The following RIMS1 variants were observed in gnomAD, a reference collection of about 807,000 sequenced individuals.
RIMS1 encodes regulating synaptic membrane exocytosis protein 1.
A neutral mutation model predicts 214.1 loss-of-function variants in RIMS1; 83 were observed. The observed-to-expected ratio is 0.39, with a 90% CI of 0.32 to 0.47. RIMS1 has a LOEUF of 0.47. Among genes scored for constraint, RIMS1 ranks in the 20% least tolerant of loss-of-function variants. The pLI, the probability that RIMS1 is intolerant of heterozygous loss-of-function variation, is 0.99. For synonymous variants in RIMS1, 793 were observed against 786.8 expected, an observed-to-expected ratio of 1.01 and a Z score of -0.13; for missense variants, 2,050 against 2,161.8, an observed-to-expected ratio of 0.95 and a Z score of 1.03.
intron 2 of RIMS1, among the ~76,000 whole-genome samples, chr6:72,008,761 C>T (rs1052707416): frequency 6.6e-6 from 1 of 152,182 alleles, no homozygotes; most frequent in Non-Finnish European, 1.5e-5. Context: ...ATCAATTCAA[C>T]AAGAAGAGCT....
intron 4 of RIMS1, among the ~76,000 whole-genome samples, chr6:72,138,388 T>G (rs1417228979): frequency 2.0e-5 from 3 of 152,146 alleles, no homozygotes; most frequent in Admixed American, 1.3e-4. Context: ...TTAAGCCCAT[T>G]TACAATTAAT....
chr6:72,045,900 C>G (rs967112815), intron 2 of RIMS1, among the ~76,000 whole-genome samples: 2 of 149,504 alleles, frequency 1.3e-5, no homozygotes, highest in Non-Finnish European at 3.0e-5. Context: ...AAATTGAAAC[C>G]CTTTAATTTA....
chr6:71,992,407 T>TC (rs1491194615), intron 2 of RIMS1, among the ~76,000 whole-genome samples: 31 of 52,726 alleles, frequency 5.9e-4, no homozygotes, highest in African/African-American at 1.7e-3. Flanking sequence ...TCTCTCTCTC[T>TC]TTCTTTCTTT....
chr6:72,272,000 A>G (rs1320462087), intron 22 of RIMS1, among the ~76,000 whole-genome samples: 1 of 152,170 alleles, frequency 6.6e-6, no homozygotes, highest in Non-Finnish European at 1.5e-5. Flanking sequence ...GATGTTCCTC[A>G]ATTAATGAAT....
chr6:71,909,184 A>G (rs1230292648), intron 1 of RIMS1, among the ~76,000 whole-genome samples: 1 of 151,974 alleles, frequency 6.6e-6, no homozygotes, highest in East Asian at 1.9e-4. Flanking sequence ...TTTAGTAGAG[A>G]CGGGGTTTCA....
At chr6:72,052,389 G>T (rs753890432) in intron 2 of RIMS1, among the ~76,000 whole-genome samples, 3 of 152,198 alleles carry the variant, frequency 2.0e-5, no homozygotes, top group Non-Finnish European at 4.4e-5. Flanking sequence ...GAGTAATAGT[G>T]AGAAATAGGG....
chr6:72,220,546 T>C (rs1276508304), intron 6 of RIMS1, among the ~76,000 whole-genome samples: 1 of 152,056 alleles, frequency 6.6e-6, no homozygotes, highest in Non-Finnish European at 1.5e-5. Flanking sequence ...CTATGGTTAG[T>C]GGATAAACTC....
At chr6:72,399,306 A>C (rs116544295) in intron 33 of RIMS1, among the ~76,000 whole-genome samples, 1,918 of 151,832 alleles carry the variant, frequency 0.013, 38 homozygotes, top group African/African-American at 0.044. Context: ...ATTTTATTTT[A>C]TCTCTCTCTC....
At chr6:71,972,175 G>C (rs1459482805) in intron 2 of RIMS1, among the ~76,000 whole-genome samples, 1 of 152,186 alleles carries the variant, frequency 6.6e-6, no homozygotes, top group Non-Finnish European at 1.5e-5. Context: ...AGGGATTCAA[G>C]GGGAATGCCC....
chr6:72,168,343 A>G (rs983398610), intron 4 of RIMS1, among the ~76,000 whole-genome samples: 1 of 152,224 alleles, frequency 6.6e-6, no homozygotes, highest in African/African-American at 2.4e-5. Context: ...CAGAAATGAA[A>G]GGAAATAAAG....
intron 1 of RIMS1, among the ~76,000 whole-genome samples, chr6:71,914,141 G>A (rs1777686186): frequency 6.6e-6 from 1 of 152,142 alleles, no homozygotes; most frequent in African/African-American, 2.4e-5. Context: ...ATCTATGAGA[G>A]TGACTTGTAT....
intron 1 of RIMS1, among the ~76,000 whole-genome samples, chr6:71,957,989 C>T (rs563604780): frequency 7.1e-4 from 108 of 152,166 alleles, no homozygotes; most frequent in Non-Finnish European, 1.2e-3. Context: ...GCAACTTATA[C>T]AGGGCAGAGC....
chr6:72,051,101 G>A (rs1234727906), intron 2 of RIMS1, among the ~76,000 whole-genome samples: 1 of 152,128 alleles, frequency 6.6e-6, no homozygotes, highest in Non-Finnish European at 1.5e-5. Context: ...TGTCAATTCA[G>A]TACCTCTTCC....
chr6:72,361,096 C>CTTTTTTTTT lies in RIMS1; in HGVS notation c.4366+27283_4366+27291dup, dbSNP rs70994124. Among the ~76,000 whole-genome samples, 88 of 54,440 alleles carry CTTTTTTTTT rather than the reference C, an allele frequency of 1.6e-3. 8 individuals are homozygous for CTTTTTTTTT. The highest frequency in any genetic ancestry group is 2.2e-3 in the Non-Finnish European group (63 of 29,044). 35.7% of individuals were successfully genotyped at this position (54,440 alleles called of 152,430 possible). A position where few individuals can be genotyped will look rare whatever the true frequency, so the allele number is the denominator to read the frequency against. ...CTTCTGTAGGAACGGGTCTTTCTTTCTTTTTTTTTTTTTTTTTTTTTTTTT... is the reference window on the plus strand; with the variant it reads ...CTTCTGTAGGAACGGGTCTTTCTTTCTTTTTTTTTTTTTTTTTTTTTTTTTTTTTTTTTT... On this transcript the variant is annotated intron_variant, in intron 29 of 33. Transcript: ENST00000521978.
At chr6:71,952,102 G>A (rs994075379) in intron 1 of RIMS1, among the ~76,000 whole-genome samples, 1 of 152,124 alleles carries the variant, frequency 6.6e-6, no homozygotes, top group African/African-American at 2.4e-5. Flanking sequence ...AATGTCTAAT[G>A]TACAGTGTTA....
At chr6:72,043,738 T>C (rs78848222) in intron 2 of RIMS1, among the ~76,000 whole-genome samples, 2,033 of 151,628 alleles carry the variant, frequency 0.013, 10 homozygotes, top group Non-Finnish European at 0.017. Flanking sequence ...TTTACTGATG[T>C]AATTATTAAT....
intron 19 of RIMS1, chr6:72,261,654 A>G (rs1332182259): frequency 6.1e-6 from 6 of 984,112 alleles, no homozygotes; most frequent in Non-Finnish European, 6.0e-6. Context: ...GGAAAGAGAA[A>G]GAAAGAGGTA....
At position 72,247,997 on chromosome 6, in the gene RIMS1, T is replaced by A. The variant is rs996779433; in HGVS notation, c.2129-18T>A. ...TCCTACACTTACAAATATTACTTAC[T>A]TTTTTTTCTCATTTTAGGTTCAAGT... On this transcript the variant is annotated intron_variant, in intron 11 of 33. Coordinates refer to ENST00000521978, the MANE Select transcript of RIMS1 (RefSeq NM_014989.7). The A allele has an allele frequency of 1.3e-6, 2 of 1,503,892 alleles. No individual in the cohort carries two copies. The highest frequency in any genetic ancestry group is 1.7e-5 in the Admixed American group (1 of 59,624). The allele number at this position is 1,503,892 out of a possible 1,614,324, so 93.2% of individuals were successfully genotyped here. A position where few individuals can be genotyped will look rare whatever the true frequency, so the allele number is the denominator to read the frequency against.
chr6:72,104,027 T>A (rs1170918320), intron 4 of RIMS1, among the ~76,000 whole-genome samples: 1 of 152,168 alleles, frequency 6.6e-6, no homozygotes, highest in African/African-American at 2.4e-5. Context: ...AAGTTCATTT[T>A]TTTCTTCTCT....
Sources: gnomAD v4.1 joint callset for allele counts (sites outside exome capture counted in the v4.1 genomes callset) on GRCh38, gnomAD v4.1.1 for gene constraint, MANE v1.5 for transcripts, NCBI Gene and HGNC (gene_info 2026-07-23, HGNC 2026-07-21) for gene names.